ADGRB3: variants seen among roughly 807,000 people sequenced by gnomAD.
The protein encoded by ADGRB3 is brain-specific angiogenesis inhibitor 3.
In ADGRB3, 37 loss-of-function variants were observed where a neutral mutation model predicts 193.4. The ratio of observed to expected loss-of-function variants is 0.19; its 90% CI spans 0.15 to 0.25. The LOEUF is 0.25. Ranked by LOEUF, ADGRB3 falls within the 10% of genes least tolerant of loss-of-function variation. The pLI is 1.00. For synonymous variants in ADGRB3, 690 were observed against 644.2 expected (o/e 1.07, Z -1.08); for missense variants, 1,637 against 1,852.9 (o/e 0.88, Z 2.14).
In ADGRB3 at chr6:69,388,726, T is replaced by C; in HGVS notation, c.4404T>C (p.Asn1468=). The change falls in exon 32 of 32, where the codon AAT becomes AAC. Residue 1468 remains asparagine, a synonymous_variant. Transcript: ENST00000370598. ...SSMENPAPNK[N]PWDTFKNPSE... ...AGGAAAACCCCGCACCAAACAAGAATCCATGGGACACTTTCAAAAACCCCA... is the reference window on the plus strand; with the variant it reads ...AGGAAAACCCCGCACCAAACAAGAACCCATGGGACACTTTCAAAAACCCCA... The C allele has an allele frequency of 6.2e-7, 1 of 1,613,004 alleles. No individual in the cohort carries two copies. Among genetic ancestry groups the C allele is most frequent in the African/African-American group, 1.3e-5 (1 of 74,900 alleles).
chr6:68,805,146 T>C (rs969260685), intron 3 of ADGRB3, among the ~76,000 whole-genome samples: 2 of 152,146 alleles, frequency 1.3e-5, no homozygotes, highest in Non-Finnish European at 2.9e-5. Context: ...CTGCCCAGGC[T>C]GGTATCTATC....
intron 29 of ADGRB3, among the ~76,000 whole-genome samples, chr6:69,362,528 T>C (rs956645718): frequency 3.3e-5 from 5 of 151,940 alleles, no homozygotes; most frequent in African/African-American, 1.2e-4. Context: ...ATGCGATGAA[T>C]AAGGTAATTT....
intron 22 of ADGRB3, among the ~76,000 whole-genome samples, chr6:69,329,001 A>G (rs527372193): frequency 6.6e-6 from 1 of 152,174 alleles, no homozygotes; most frequent in Non-Finnish European, 1.5e-5. Flanking sequence ...CATTTATTTT[A>G]TAGCCATAAG....
chr6:69,223,280 G>GT (rs1400682426), intron 17 of ADGRB3, among the ~76,000 whole-genome samples: 1 of 152,084 alleles, frequency 6.6e-6, no homozygotes, highest in African/African-American at 2.4e-5. Context: ...TAAAATTTCT[G>GT]TTTTTTGAAA....
chr6:69,131,490 T>C (rs1051363903), intron 17 of ADGRB3, among the ~76,000 whole-genome samples: 11 of 151,964 alleles, frequency 7.2e-5, no homozygotes, highest in African/African-American at 2.7e-4. Context: ...CTTGAAATGG[T>C]TTTAATTGCA....
In ADGRB3 at chr6:69,249,040, C is replaced by T. The variant is rs538206252; in HGVS notation, c.2814+9814C>T. ...TTGCCCAGGCTGGAGTGCAGTAGCG[C>T]GATCTTGGCTCACTGAAACCTCCGC... On this transcript the variant is annotated intron_variant, in intron 20 of 31. Coordinates refer to ENST00000370598, the MANE Select transcript of ADGRB3 (RefSeq NM_001704.3). 1.2e-4 allele frequency among the ~76,000 whole-genome samples: 19 copies of T among 152,204 alleles called. 1 individual carries two copies. The South Asian group carries it at 3.7e-3, about 30-fold the overall frequency.
intron 20 of ADGRB3, among the ~76,000 whole-genome samples, chr6:69,290,566 A>G (rs911862264): frequency 2.0e-5 from 3 of 152,216 alleles, no homozygotes; most frequent in African/African-American, 7.2e-5. Flanking sequence ...GTCTTTAATT[A>G]TATTTGTCAG....
intron 30 of ADGRB3, 107 bp from the exon 31 acceptor site, chr6:69,382,724 C>T: frequency 1.4e-6 from 1 of 690,786 alleles, no homozygotes; most frequent in East Asian, 3.1e-5. Flanking sequence ...CTCCTGGTTC[C>T]TGCCAAACTT....
intron 3 of ADGRB3, among the ~76,000 whole-genome samples, chr6:68,669,181 G>T (rs1768878423): frequency 6.6e-6 from 1 of 151,954 alleles, no homozygotes; most frequent in African/African-American, 2.4e-5. Flanking sequence ...CATGGAGAAT[G>T]AGGCATCCAT....
intron 17 of ADGRB3, among the ~76,000 whole-genome samples, chr6:69,091,112 T>A (rs1272745734): frequency 6.6e-6 from 1 of 152,184 alleles, no homozygotes. Flanking sequence ...TCAGTCAGAA[T>A]GGCTATTACT....
At chr6:68,775,645 C>T (rs1204697978) in intron 3 of ADGRB3, among the ~76,000 whole-genome samples, 2 of 152,096 alleles carry the variant, frequency 1.3e-5, no homozygotes, top group Non-Finnish European at 2.9e-5. Flanking sequence ...AGTTTCTTCT[C>T]TGAGATTTCA....
intron 17 of ADGRB3, among the ~76,000 whole-genome samples, chr6:69,159,990 G>T (rs528159088): frequency 6.6e-6 from 1 of 152,128 alleles, no homozygotes; most frequent in Non-Finnish European, 1.5e-5. Flanking sequence ...TATCAGCTCT[G>T]CCTTCAAGAT....
In ADGRB3 at chr6:69,233,351, C is replaced by G; in HGVS notation, c.2542C>G (p.His848Asp). ...TAAAACTGTGCTTACCGATGCATCC[C>G]ATACGAAATGCTTATGTGATCGTCT... ...GCKTVLTDAS[H>D]TKCLCDRLST... Residue 848 changes from histidine (H) to aspartate (D), a missense_variant, in exon 18 of 32, where the codon CAT (histidine) becomes GAT (aspartate). Coordinates refer to ENST00000370598, the MANE Select transcript of ADGRB3 (RefSeq NM_001704.3). The G allele has an allele frequency of 6.2e-7, 1 of 1,614,068 alleles. No homozygotes were observed. The highest frequency in any genetic ancestry group is 8.5e-7 in the Non-Finnish European group (1 of 1,180,008).
At chr6:69,028,666 A>G (rs1168278827) in intron 13 of ADGRB3, among the ~76,000 whole-genome samples, 3 of 152,164 alleles carry the variant, frequency 2.0e-5, no homozygotes, top group Admixed American at 2.0e-4. Context: ...ACTATTAAAT[A>G]ATGCTTCTTG....
chr6:68,752,008 A>G (rs1766208711), intron 3 of ADGRB3, among the ~76,000 whole-genome samples: 1 of 152,180 alleles, frequency 6.6e-6, no homozygotes. Context: ...TTCATCCCAC[A>G]TCAACTTATG....
intron 12 of ADGRB3, among the ~76,000 whole-genome samples, chr6:69,015,361 C>T (rs563421494): frequency 2.0e-5 from 3 of 152,030 alleles, no homozygotes; most frequent in African/African-American, 7.2e-5. Flanking sequence ...CATCTATTTC[C>T]TTGAGATTTT....
intron 10 of ADGRB3, among the ~76,000 whole-genome samples, chr6:68,991,902 T>G (rs1194196099): frequency 6.6e-6 from 1 of 152,122 alleles, no homozygotes; most frequent in Non-Finnish European, 1.5e-5. Context: ...ACATAAATAA[T>G]AAGCTGCAAA....
At chr6:68,875,242 GCCCTCCCCTCCCCTC>G (rs371685084) in intron 3 of ADGRB3, among the ~76,000 whole-genome samples, 3 of 62,674 alleles carry the variant, frequency 4.8e-5, no homozygotes, top group Non-Finnish European at 8.7e-5. Context: ...CCCTCCCTCT[GCCCTCCCCTCCCCTC>G]CCCTCCCTTC....
At chr6:68,927,481 A>C (rs1462925889) in intron 3 of ADGRB3, among the ~76,000 whole-genome samples, 2 of 152,154 alleles carry the variant, frequency 1.3e-5, no homozygotes, top group East Asian at 3.9e-4. Flanking sequence ...AAAGTGAAGA[A>C]GATAATGCCA....
Sources: allele counts gnomAD v4.1 joint callset (sites outside exome capture counted in the v4.1 genomes callset), GRCh38; gene constraint gnomAD v4.1.1; transcripts MANE v1.5; gene names NCBI Gene and HGNC (gene_info 2026-07-23, HGNC 2026-07-21).